The following EGFLAM variants were observed in gnomAD, a reference collection of about 807,000 sequenced individuals.
The protein encoded by EGFLAM is EGF like, fibronectin type III and laminin G domains.
Under a neutral mutation model 113.1 loss-of-function variants are expected in EGFLAM, and 79 were observed. That is an observed-to-expected ratio of 0.70 (90% CI 0.58 to 0.84). EGFLAM has a LOEUF of 0.84. Ranked by LOEUF, EGFLAM falls within the 40% of genes least tolerant of loss-of-function variation. The probability of loss-of-function intolerance (pLI) is 0.00; values close to 1 mark genes in which losing one functional copy is unlikely to be tolerated. For synonymous variants in EGFLAM, 504 were observed against 487.6 expected, an observed-to-expected ratio of 1.03 and a Z score of -0.44; for missense variants, 1,265 against 1,291.6, an observed-to-expected ratio of 0.98 and a Z score of 0.32.
chr5:38,259,811 C>T (rs1266711428), intron 1 of EGFLAM, among the ~76,000 whole-genome samples: 1 of 152,190 alleles, frequency 6.6e-6, no homozygotes, highest in Non-Finnish European at 1.5e-5. Context: ...ACAGAAAGTG[C>T]AGTTTGTCTT....
In EGFLAM at chr5:38,462,916, A is replaced by G; in HGVS notation, c.2780A>G (p.Gln927Arg). The part of the protein sequence containing the change: ...WHRVKAVRDG[Q>R]SGKITVDDYG... ...GTTTTGGTGTTTTGCAGGGATGGCC[A>G]GTCAGGAAAGATAACCGTGGATGAC... is the stretch of plus-strand genomic sequence containing the variant. Residue 927 changes from glutamine (Q) to arginine (R), a missense_variant, in exon 21 of 22, where the codon CAG becomes CGG. Physicochemically the swap from Gln to Arg is conservative, Grantham distance 43. Transcript: ENST00000322350. 1 of 1,614,196 alleles carries G rather than the reference A, an allele frequency of 6.2e-7. No homozygotes were observed. The highest frequency in any genetic ancestry group is 8.5e-7 in the Non-Finnish European group (1 of 1,180,018).
chr5:38,293,728 A>G (rs1466973962), intron 1 of EGFLAM, among the ~76,000 whole-genome samples: 1 of 152,236 alleles, frequency 6.6e-6, no homozygotes, highest in Non-Finnish European at 1.5e-5. Flanking sequence ...AATCTTTATT[A>G]TGATTATTCA....
At chr5:38,351,487 T>C (rs1252063216) in intron 4 of EGFLAM, among the ~76,000 whole-genome samples, 2 of 152,134 alleles carry the variant, frequency 1.3e-5, no homozygotes, top group Non-Finnish European at 2.9e-5. Context: ...CCTCGGAGGC[T>C]TTCAGAAAAG....
intron 16 of EGFLAM, 89 bp downstream of exon 16, chr5:38,435,342 C>T: frequency 1.0e-6 from 1 of 954,222 alleles, no homozygotes; most frequent in South Asian, 1.5e-5. Context: ...CTGCTGCACC[C>T]AAGAAAGACA....
chr5:38,350,393 GC>G, intron 3 of EGFLAM, 107 bp from the exon 4 acceptor site: 1 of 1,062,416 alleles, frequency 9.4e-7, no homozygotes, highest in Non-Finnish European at 1.4e-6. Flanking sequence ...CATTCTCTGT[GC>G]CAAGCAGTTT....
intron 17 of EGFLAM, among the ~76,000 whole-genome samples, chr5:38,443,769 CTTT>C (rs11320853): frequency 2.3e-5 from 3 of 133,252 alleles, no homozygotes; most frequent in African/African-American, 2.8e-5. Context: ...CCCTTCAACT[CTTT>C]TTTTTTTTTT....
intron 17 of EGFLAM, among the ~76,000 whole-genome samples, chr5:38,439,982 C>A (rs1742481476): frequency 1.3e-5 from 2 of 152,282 alleles, no homozygotes; most frequent in Middle Eastern, 6.8e-3. Context: ...AATGTGTGAT[C>A]TTGTTAGCCC....
intron 1 of EGFLAM, among the ~76,000 whole-genome samples, chr5:38,268,828 CAT>C (rs1221513601): frequency 1.3e-5 from 2 of 152,122 alleles, no homozygotes; most frequent in African/African-American, 4.8e-5. Flanking sequence ...TGGGTAAGTG[CAT>C]ATGTGCTATA....
intron 3 of EGFLAM, among the ~76,000 whole-genome samples, chr5:38,347,462 C>CAGCCT (rs1739501755): frequency 6.6e-6 from 1 of 152,066 alleles, no homozygotes; most frequent in Non-Finnish European, 1.5e-5. Context: ...GACACCAGGG[C>CAGCCT]AGCCTAGAGG....
chr5:38,343,326 A>C (rs1739389717), intron 3 of EGFLAM, among the ~76,000 whole-genome samples: 1 of 151,530 alleles, frequency 6.6e-6, no homozygotes, highest in African/African-American at 2.4e-5. Context: ...GAATTGCTTG[A>C]ACCCTGGAGG....
intron 11 of EGFLAM, among the ~76,000 whole-genome samples, chr5:38,413,615 C>G (rs1579895484): frequency 6.6e-6 from 1 of 152,290 alleles, no homozygotes; most frequent in East Asian, 1.9e-4. Flanking sequence ...TGCCAGGGAA[C>G]TGAGCCTATA....
intron 5 of EGFLAM, among the ~76,000 whole-genome samples, chr5:38,365,754 A>G (rs999825206): frequency 2.0e-5 from 3 of 152,236 alleles, no homozygotes; most frequent in Admixed American, 2.0e-4. Context: ...TTGTATTCAT[A>G]TATAATATAC....
intron 3 of EGFLAM, among the ~76,000 whole-genome samples, chr5:38,339,225 A>AT (rs957501348): frequency 7.9e-5 from 12 of 151,128 alleles, no homozygotes; most frequent in Admixed American, 2.0e-4. Flanking sequence ...CAAATTGTTT[A>AT]TTTTTTTTTC....
intron 11 of EGFLAM, 52 bp downstream of exon 11, chr5:38,412,700 C>T (rs1741524019): frequency 1.9e-6 from 3 of 1,594,388 alleles, no homozygotes; most frequent in Non-Finnish European, 2.6e-6. Context: ...CACCATAAGT[C>T]TCCTGAGAAG....
chr5:38,407,874 A>C lies in EGFLAM; in HGVS notation c.1217A>C (p.Tyr406Ser). 6.2e-7 allele frequency: 1 copy of C among 1,613,706 alleles called. No homozygotes were observed. The highest frequency in any genetic ancestry group is 8.5e-7 in the Non-Finnish European group (1 of 1,179,614). Residue 406 changes from tyrosine (Y) to serine (S), a missense_variant, in exon 9 of 22, where the codon TAT becomes TCT. Coordinates refer to ENST00000322350, the MANE Select transcript of EGFLAM (RefSeq NM_152403.4). ...YVTFEPLKNS[Y>S]QAFQITLEFR... ...ACGTTTGAACCTCTGAAGAATTCTT[A>C]TCAGGCATTTCAAATTACTCTTGAA... is the stretch of plus-strand genomic sequence containing the variant.
At chr5:38,425,477 A>G (rs1373713217) in intron 13 of EGFLAM, among the ~76,000 whole-genome samples, 1 of 152,126 alleles carries the variant, frequency 6.6e-6, no homozygotes, top group Non-Finnish European at 1.5e-5. Flanking sequence ...TCATCAATGT[A>G]CTTTTAACAA....
intron 2 of EGFLAM, 40 bp downstream of exon 2, chr5:38,337,669 C>A (rs145509203): frequency 1.3e-6 from 2 of 1,501,224 alleles, no homozygotes; most frequent in South Asian, 1.2e-5. Context: ...GTGGGTGTGT[C>A]GTGTGACTGT....
chr5:38,369,287 A>C (rs947710534), intron 5 of EGFLAM, among the ~76,000 whole-genome samples: 2 of 152,238 alleles, frequency 1.3e-5, no homozygotes, highest in Admixed American at 1.3e-4. Context: ...CCATATAAAA[A>C]CTATTGAGAT....
At chr5:38,451,710 G>A (rs1742919660) in intron 19 of EGFLAM, 1 of 465,416 alleles carries the variant, frequency 2.1e-6, no homozygotes, top group Non-Finnish European at 3.7e-6. Context: ...TCTTGCTGGG[G>A]CCGGGCACAG....
Sources: gnomAD v4.1 joint callset for allele counts (sites outside exome capture counted in the v4.1 genomes callset) on GRCh38, gnomAD v4.1.1 for gene constraint, MANE v1.5 for transcripts, NCBI Gene and HGNC (gene_info 2026-07-23, HGNC 2026-07-21) for gene names.